TG: variants seen among roughly 807,000 people sequenced by gnomAD.
The protein encoded by TG is thyroid hormones.
A neutral mutation model predicts 324.7 loss-of-function variants in TG; 270 were observed. That is an observed-to-expected ratio of 0.83 (90% CI 0.75 to 0.92). TG has a LOEUF of 0.92. Among genes scored for constraint, TG ranks in the 40% least tolerant of loss-of-function variants. The probability of loss-of-function intolerance (pLI) is 0.00; values close to 1 mark genes in which losing one functional copy is unlikely to be tolerated. For synonymous variants in TG, 1,401 were observed against 1,327.0 expected (o/e 1.06, Z -1.21); for missense variants, 3,591 against 3,456.4 (o/e 1.04, Z -0.98).
At chr8:133,011,067 T>C (rs555325725) in intron 35 of TG, among the ~76,000 whole-genome samples, 29 of 152,292 alleles carry the variant, frequency 1.9e-4, no homozygotes, top group African/African-American at 6.5e-4. Flanking sequence ...GAGATTTGCA[T>C]GCAAGAAGCT....
At chr8:133,030,125 T>G in intron 41 of TG, 102 bp downstream of exon 41, 1 of 1,424,516 alleles carries the variant, frequency 7.0e-7, no homozygotes, top group Non-Finnish European at 9.9e-7. Flanking sequence ...TGCTTGGGTT[T>G]CCCTTGTCCT....
intron 29 of TG, 24 bp from the exon 30 acceptor site, chr8:132,966,536 G>A: frequency 6.2e-7 from 1 of 1,613,724 alleles, no homozygotes; most frequent in Non-Finnish European, 8.5e-7. Flanking sequence ...GGTGCAGGAA[G>A]TTGACTCCCT....
chr8:133,133,787 C>T (rs1403185799), intron 47 of TG, 127 bp downstream of exon 47: 4 of 1,074,916 alleles, frequency 3.7e-6, no homozygotes, highest in South Asian at 1.4e-5. Flanking sequence ...TGGCACAGCC[C>T]CTTCCTGTGA....
At position 133,082,970 on chromosome 8, in the gene TG, C is replaced by T. The variant is rs182930662; in HGVS notation, c.7240-12074C>T. Among the ~76,000 whole-genome samples the T allele has an allele frequency of 3.3e-5, 5 of 152,272 alleles. No individual in the cohort carries two copies. In the East Asian group the frequency reaches 5.8e-4, roughly 18 times the overall value. ...AGATGGGTGTGAAATCATCTGTCAG[C>T]GCCTGCTTCCATGCCCACTGAGCCA... On this transcript the variant is annotated intron_variant, in intron 41 of 47. Coordinates refer to ENST00000220616, the MANE Select transcript of TG (RefSeq NM_003235.5).
chr8:132,897,485 A>G (rs1398389828), intron 11 of TG, among the ~76,000 whole-genome samples, 164 bp from the exon 12 acceptor site: 2 of 152,228 alleles, frequency 1.3e-5, no homozygotes, highest in Non-Finnish European at 2.9e-5. Flanking sequence ...GTGCCTGCCT[A>G]CTGTGCAAGG....
At chr8:133,055,037 G>A (rs1841119847) in intron 41 of TG, among the ~76,000 whole-genome samples, 1 of 152,192 alleles carries the variant, frequency 6.6e-6, no homozygotes, top group African/African-American at 2.4e-5. Context: ...AGCTGGGAGA[G>A]TTTTAGTCAC....
In TG at chr8:132,882,961, T is replaced by G. The variant is rs778441790; in HGVS notation, c.1037T>G (p.Met346Arg). 1 of 1,614,014 alleles carries G rather than the reference T, an allele frequency of 6.2e-7. No individual in the cohort carries two copies. The highest frequency in any genetic ancestry group is 1.1e-5 in the South Asian group (1 of 91,068). The change falls in exon 8 of 48, where the codon ATG becomes AGG. Residue 346 changes from methionine (M) to arginine (R), a missense_variant. Coordinates refer to ENST00000220616, the MANE Select transcript of TG (RefSeq NM_003235.5). ...CWCVDAQGKE[M>R]HGTRQQGEPP... ...TGTGTGGACGCCCAGGGGAAGGAAA[T>G]GCATGGAACCCGGCAGCAAGGGGAG...
chr8:133,082,901 G>C (rs1167088654), intron 41 of TG, among the ~76,000 whole-genome samples: 1 of 152,124 alleles, frequency 6.6e-6, no homozygotes, highest in Non-Finnish European at 1.5e-5. Flanking sequence ...CTCGAAACTA[G>C]CCTCGATGTA....
chr8:132,994,624 T>C (rs879258130), intron 35 of TG: 80 of 1,221,044 alleles, frequency 6.6e-5, no homozygotes, highest in Admixed American at 1.1e-4. Context: ...CATCCATTCA[T>C]TTATTCTCCC....
intron 43 of TG, among the ~76,000 whole-genome samples, chr8:133,104,847 C>A (rs1350300353): frequency 6.6e-6 from 1 of 152,164 alleles, no homozygotes; most frequent in Non-Finnish European, 1.5e-5. Flanking sequence ...CCACTGGATG[C>A]AAACGGCCAC....
chr8:132,969,095 AC>A (rs61586165), intron 31 of TG, among the ~76,000 whole-genome samples: 15,254 of 151,424 alleles, frequency 0.1, 2,621 homozygotes, highest in African/African-American at 0.35. Flanking sequence ...GGCCACCTTC[AC>A]CCCCAGGGCT....
rs1839662895 is a variant in TG, at chr8:132,873,233, AG to A, written c.638+16del. 6.2e-7 allele frequency: 1 copy of A among 1,613,972 alleles called. No individual in the cohort carries two copies. The highest frequency in any genetic ancestry group is 8.5e-7 in the Non-Finnish European group (1 of 1,179,942). ...CACAGCTACAACAGGTAAGGGGAGC[AG>A]GGGTGTGCCAGTCACTGGGCCATCA... On this transcript the variant is annotated intron_variant, in intron 5 of 47. Transcript: ENST00000220616.
At chr8:132,925,042 C>G (rs997180758) in intron 22 of TG, among the ~76,000 whole-genome samples, 1 of 152,134 alleles carries the variant, frequency 6.6e-6, no homozygotes, top group Non-Finnish European at 1.5e-5. Flanking sequence ...CAAGCCCAAG[C>G]AAGCCAGTCT....
At chr8:132,966,464 CTCTGTGTGTG>C in intron 29 of TG, 86 bp from the exon 30 acceptor site, 3 of 1,150,300 alleles carry the variant, frequency 2.6e-6, no homozygotes, top group Non-Finnish European at 3.8e-6. Context: ...CTGTCTCTCT[CTCTGTGTGTG>C]TGTGTGTGTG....
intron 35 of TG, among the ~76,000 whole-genome samples, chr8:133,008,014 A>C (rs1834174973): frequency 6.6e-6 from 1 of 152,186 alleles, no homozygotes; most frequent in Non-Finnish European, 1.5e-5. Context: ...ATAAACACAT[A>C]AGTAAATAGC....
rs141124360 is a variant in TG, at chr8:133,031,029, G to A, written c.7239+1006G>A. ...TGATTTTAACCATTTTAAGTGTTCC[G>A]TTCATTGGGATTAAGTACATTCCCA... On this transcript the variant is annotated intron_variant, in intron 41 of 47. Coordinates refer to ENST00000220616, the MANE Select transcript of TG (RefSeq NM_003235.5). 4.7e-3 allele frequency among the ~76,000 whole-genome samples: 709 copies of A among 152,264 alleles called. 6 individuals carry two copies. The highest frequency in any genetic ancestry group is 0.016 in the African/African-American group (685 of 41,540).
intron 16 of TG, among the ~76,000 whole-genome samples, chr8:132,904,162 T>TA (rs1449293426): frequency 1.3e-5 from 2 of 152,180 alleles, no homozygotes; most frequent in African/African-American, 4.8e-5. Flanking sequence ...ACGTGGCTGA[T>TA]AACAGTCCAG....
intron 41 of TG, among the ~76,000 whole-genome samples, chr8:133,085,483 A>G (rs1846379396): frequency 6.6e-6 from 1 of 152,246 alleles, no homozygotes; most frequent in South Asian, 2.1e-4. Context: ...CCAAGAAAAC[A>G]TAAAGAACAC....
chr8:132,994,664 C>T, intron 35 of TG: 2 of 1,284,254 alleles, frequency 1.6e-6, no homozygotes, highest in Middle Eastern at 4.3e-4. Flanking sequence ...CCCTGACCTC[C>T]TGAAGGAACT....
Sources: allele counts gnomAD v4.1 joint callset (sites outside exome capture counted in the v4.1 genomes callset), GRCh38; gene constraint gnomAD v4.1.1; transcripts MANE v1.5; gene names NCBI Gene and HGNC (gene_info 2026-07-23, HGNC 2026-07-21).